Variants in GRIN2C observed in about 807,000 individuals in gnomAD.
GRIN2C encodes the protein glutamate receptor ionotropic, NMDA 2C.
Under a neutral mutation model 77.7 loss-of-function variants are expected in GRIN2C, and 64 were observed. The ratio of observed to expected loss-of-function variants is 0.82; its 90% CI spans 0.67 to 1.01. GRIN2C has a LOEUF of 1.01. Ranked by LOEUF, GRIN2C falls within the 50% of genes least tolerant of loss-of-function variation. The pLI is 0.00. For missense variants in GRIN2C, 1,549 were observed against 1,486.0 expected (o/e 1.04, Z -0.70); for synonymous variants, 792 against 643.4 (o/e 1.23, Z -3.49).
Position 74,850,113 on chromosome 17 carries a change from T to A in GRIN2C, c.1491+93A>T, listed in dbSNP as rs936374641. 16 of 1,444,744 alleles carry A rather than the reference T, an allele frequency of 1.1e-5. No individual in the cohort carries two copies. The highest frequency in any genetic ancestry group is 1.7e-5 in the Admixed American group (1 of 57,964). The allele number at this position is 1,444,744 out of a possible 1,614,324, so 89.5% of individuals were successfully genotyped here. A position where few individuals can be genotyped will look rare whatever the true frequency, so the allele number is the denominator to read the frequency against. Reference sequence around the variant, plus strand: ...AGGAGTCATCATTGGTGACAGCCCATGCCCCCCTCTAGAGGGCATCTGAGA... The same window carrying A: ...AGGAGTCATCATTGGTGACAGCCCAAGCCCCCCTCTAGAGGGCATCTGAGA... On this transcript the variant is annotated intron_variant, in intron 6 of 12. Transcript: ENST00000293190. The surrounding 1 kb of genome is among the most constrained non-coding windows in gnomAD (Gnocchi z 5.3).
chr17:74,846,217 G>A lies in GRIN2C; in HGVS notation c.2199C>T (p.Leu733=). The change falls in exon 11 of 13, where the codon CTC becomes CTT. Residue 733 remains leucine (L), a synonymous_variant. Transcript: ENST00000293190. This position sits in a 1 kb window ranked among gnomAD's most constrained non-coding sequence, Gnocchi z 4.4. ...CCTCGTCCTTGCCTGCCATGTAGTT[G>A]AGGACAGCAGCATCATAGATGAAGG... ...LDAFIYDAAV[L]NYMAGKDEGC... is the part of the protein sequence containing the mutation. 1 of 1,614,184 alleles carries A rather than the reference G, an allele frequency of 6.2e-7. No homozygotes were observed. Among genetic ancestry groups the A allele is most frequent in the South Asian group, 1.1e-5 (1 of 91,090 alleles).
intron 1 of GRIN2C, among the ~76,000 whole-genome samples, chr17:74,856,816 T>C (rs1447167541): frequency 6.6e-6 from 1 of 152,074 alleles, no homozygotes; most frequent in Non-Finnish European, 1.5e-5. Flanking sequence ...CCTAATGTCT[T>C]ACAGACATAT....
At chr17:74,845,599 ACTC>A (rs1372174015) in intron 11 of GRIN2C, among the ~76,000 whole-genome samples, 1 of 151,924 alleles carries the variant, frequency 6.6e-6, no homozygotes, top group African/African-American at 2.4e-5. Flanking sequence ...CAAGAATGGA[ACTC>A]CTCCAAACAC....
At position 74,846,755 on chromosome 17, in the gene GRIN2C, C is replaced by T. The variant is rs750489783; in HGVS notation, c.2162+5G>A. The T allele has an allele frequency of 1.2e-6, 2 of 1,612,532 alleles. No individual in the cohort carries two copies. Among genetic ancestry groups the T allele is most frequent in the African/African-American group, 1.3e-5 (1 of 74,920 alleles). ...AAGACAGCGGGTGCAGGGCTGGGGA[C>T]CCACCCCATCTTGAGGCTGGTGAGC... On this transcript the variant is annotated splice_donor_5th_base_variant and intron_variant, in intron 10 of 12. Transcript: ENST00000293190. This position sits in a 1 kb window ranked among gnomAD's most constrained non-coding sequence, Gnocchi z 4.4.
Position 74,842,737 on chromosome 17 carries a change from C to T in GRIN2C, c.3400G>A (p.Glu1134Lys), listed in dbSNP as rs1469842078. The T allele has an allele frequency of 1.4e-6, 1 of 703,306 alleles. No individual in the cohort carries two copies. The highest frequency in any genetic ancestry group is 1.8e-5 in the African/African-American group (1 of 57,090). The allele number at this position is 703,306 out of a possible 1,614,324, so 43.6% of individuals were successfully genotyped here. ...CLPIYREACQ[E>K]GEQAGAPAWQ... ...GCGGGGGCCCCTGCCTGCTCGCCCT[C>T]CTGGCAGGCCTCCCGGTAGATCGGC... The change falls in exon 13 of 13, where the codon GAG becomes AAG. Residue 1134 changes from glutamate to lysine, a missense_variant. Physicochemically the swap from Glu to Lys is moderately conservative, Grantham distance 56. Transcript: ENST00000293190.
intron 3 of GRIN2C, 49 bp from the exon 4 acceptor site, chr17:74,851,740 C>CCTGCCT (rs2037652857): frequency 2.6e-6 from 3 of 1,146,782 alleles, no homozygotes; most frequent in Non-Finnish European, 3.8e-6. Context: ...CCAGGCACCC[C>CCTGCCT]CTGCCTCTGC....
Position 74,851,668 on chromosome 17 carries a change from TC to T in GRIN2C, c.1021del (p.Glu341ArgfsTer20). ...AGGGCTGAAGGAGAAGTCTCGGCCC[TC>T]CCAGGTGACATTCAGTAGGTGCCTG... ...FYRHLLNVTW[E>X]GRDFSFSPGG... On this transcript the variant is annotated frameshift_variant, in exon 4 of 13. Transcript: ENST00000293190. LOFTEE classifies it high-confidence loss of function. The T allele has an allele frequency of 6.4e-7, 1 of 1,569,646 alleles. No individual in the cohort carries two copies. Among genetic ancestry groups the T allele is most frequent in the Non-Finnish European group, 8.6e-7 (1 of 1,156,826 alleles).
At chr17:74,857,426 G>A (rs935326545) in intron 1 of GRIN2C, among the ~76,000 whole-genome samples, 7 of 152,156 alleles carry the variant, frequency 4.6e-5, no homozygotes, top group Admixed American at 1.3e-4. Context: ...CCATGTGTAC[G>A]GTTCCCTAGT....
chr17:74,847,061 C>A lies in GRIN2C; in HGVS notation c.2002-141G>T. 2.3e-6 allele frequency: 2 copies of A among 884,022 alleles called. No individual in the cohort carries two copies. Among genetic ancestry groups the A allele is most frequent in the Non-Finnish European group, 3.4e-6 (2 of 590,682 alleles). 54.8% of individuals were successfully genotyped at this position (884,022 alleles called of 1,614,324 possible). A position where few individuals can be genotyped will look rare whatever the true frequency, so the allele number is the denominator to read the frequency against. The stretch of plus-strand genomic sequence containing the variant: ...GGTCTTAAAGGCTGTCCAGGCCACT[C>A]CTGTGTTTTCCAAATGGAGACTCTG... On this transcript the variant is annotated intron_variant, in intron 9 of 12. Coordinates refer to ENST00000293190, the MANE Select transcript of GRIN2C (RefSeq NM_000835.6). The surrounding 1 kb of genome is among the most constrained non-coding windows in gnomAD (Gnocchi z 5.2).
chr17:74,845,408 G>T (rs138219189), intron 11 of GRIN2C, among the ~76,000 whole-genome samples: 4,192 of 151,890 alleles, frequency 0.028, 187 homozygotes, highest in African/African-American at 0.095. Context: ...GGGATTATAG[G>T]TGTGTGCCAC....
intron 4 of GRIN2C, 65 bp downstream of exon 4, chr17:74,851,502 TCAGCTGTGGG>T (rs2037640948): frequency 1.2e-6 from 1 of 806,424 alleles, no homozygotes; most frequent in Non-Finnish European, 2.1e-6. Context: ...GACTCTCTGC[TCAGCTGTGGG>T]CACAAGAGGA....
chr17:74,851,756 C>A, intron 3 of GRIN2C, 65 bp from the exon 4 acceptor site: 1 of 974,402 alleles, frequency 1.0e-6, no homozygotes, highest in Middle Eastern at 2.9e-4. Flanking sequence ...TCTGCCTCAC[C>A]GCCGCCACCG....
rs1451441501 is a variant in GRIN2C at position 74,842,831 on chromosome 17, G to A, written c.3306C>T (p.Gly1102=). 2 of 595,334 alleles carry A rather than the reference G, an allele frequency of 3.4e-6. No individual in the cohort carries two copies. Among genetic ancestry groups the A allele is most frequent in the Non-Finnish European group, 2.9e-6 (1 of 341,502 alleles). 36.9% of individuals were successfully genotyped at this position (595,334 alleles called of 1,614,324 possible). A position where few individuals can be genotyped will look rare whatever the true frequency, so the allele number is the denominator to read the frequency against. Residue 1102 remains glycine (G), a synonymous_variant, in exon 13 of 13, where the codon GGC becomes GGT. Coordinates refer to ENST00000293190, the MANE Select transcript of GRIN2C (RefSeq NM_000835.6). The stretch of plus-strand genomic sequence containing the variant: ...GGCCGTCGGGGCGGGCGCAGGCGGG[G>A]CCGGTGCACCCAGCGGGCAGCGAGC... ...RPSSLPAGCT[G]PACARPDGHS... is the part of the protein sequence containing the mutation.
Position 74,847,646 on chromosome 17 carries a change from G to GA in GRIN2C, c.1772-110_1772-109insT. 1.1e-6 allele frequency: 1 copy of GA among 935,730 alleles called. No homozygotes were observed. Among genetic ancestry groups the GA allele is most frequent in the Non-Finnish European group, 1.6e-6 (1 of 609,476 alleles). The allele number at this position is 935,730 out of a possible 1,614,324, so 58.0% of individuals were successfully genotyped here. On this transcript the variant is annotated intron_variant, in intron 8 of 12. Coordinates refer to ENST00000293190, the MANE Select transcript of GRIN2C (RefSeq NM_000835.6). The surrounding 1 kb of genome is among the most constrained non-coding windows in gnomAD (Gnocchi z 5.2). ...CTCCGGTCTCAGCCTGGCCTTGGGG[G>GA]GGACGCGTCCTGGCCATTCCCTCGC... is the stretch of plus-strand genomic sequence containing the variant.
chr17:74,850,640 A>G lies in GRIN2C; in HGVS notation c.1241T>C (p.Val414Ala), dbSNP rs1393974809. Residue 414 changes from valine (V) to alanine (A), a missense_variant, in exon 5 of 13, where the codon GTC (valine) becomes GCC (alanine). Coordinates refer to ENST00000293190, the MANE Select transcript of GRIN2C (RefSeq NM_000835.6). This position sits in a 1 kb window ranked among gnomAD's most constrained non-coding sequence, Gnocchi z 5.3. ...TVATLEERPF[V>A]IVESPDPGTG... ...GCCAGGGTCAGGGCTCTCCACGATGACAAAGGGCCGCTCTTCCAGCGTGGC... is the reference window on the plus strand; with the variant it reads ...GCCAGGGTCAGGGCTCTCCACGATGGCAAAGGGCCGCTCTTCCAGCGTGGC... 1 of 1,613,474 alleles carries G rather than the reference A, an allele frequency of 6.2e-7. No homozygotes were observed. The highest frequency in any genetic ancestry group is 8.5e-7 in the Non-Finnish European group (1 of 1,179,998).
chr17:74,847,708 G>A lies in GRIN2C; in HGVS notation c.1771+144C>T. ...AGCTCACGTGTGTGTTTCTGTGTGT[G>A]TGTGTCATCTGACTGGCCCCCAGCA... On this transcript the variant is annotated intron_variant, in intron 8 of 12. Coordinates refer to ENST00000293190, the MANE Select transcript of GRIN2C (RefSeq NM_000835.6). The surrounding 1 kb of genome is among the most constrained non-coding windows in gnomAD (Gnocchi z 5.2). The A allele has an allele frequency of 1.2e-6, 1 of 859,214 alleles. No homozygotes were observed. Among genetic ancestry groups the A allele is most frequent in the Admixed American group, 2.1e-5 (1 of 46,536 alleles). 53.2% of individuals were successfully genotyped at this position (859,214 alleles called of 1,614,324 possible).
At position 74,849,156 on chromosome 17, in the gene GRIN2C, G is replaced by C. The variant is rs1028266874; in HGVS notation, c.1645+624C>G. Among the ~76,000 whole-genome samples, 1 of 151,634 alleles carries C rather than the reference G, an allele frequency of 6.6e-6. No homozygotes were observed. Among genetic ancestry groups the C allele is most frequent in the African/African-American group, 2.4e-5 (1 of 41,270 alleles). ...CCTCTCTTCCGTGGCTGAGGAGCCT[G>C]CTCAGAGAGGTTCTGTGACTTGCCC... On this transcript the variant is annotated intron_variant, in intron 7 of 12. Coordinates refer to ENST00000293190, the MANE Select transcript of GRIN2C (RefSeq NM_000835.6). This position sits in a 1 kb window ranked among gnomAD's most constrained non-coding sequence, Gnocchi z 4.6.
chr17:74,854,411 A>C, intron 2 of GRIN2C: 1 of 366,048 alleles, frequency 2.7e-6, no homozygotes, highest in Non-Finnish European at 5.0e-6. Flanking sequence ...AAGCTGAGGG[A>C]AGCAGAGAGG....
rs2037679086 is a variant in GRIN2C, at chr17:74,852,360, G to A, written c.651C>T (p.Arg217=). 2.1e-6 allele frequency: 3 copies of A among 1,450,592 alleles called. No homozygotes were observed. The highest frequency in any genetic ancestry group is 1.5e-5 in the African/African-American group (1 of 66,936). 89.9% of individuals were successfully genotyped at this position (1,450,592 alleles called of 1,614,324 possible). ...CCACAAACACGGGCGCGTCGAGCTG[G>A]CGCAGCAGGCGCTGCGTGCGCGCGC... ...GPRARTQRLL[R]QLDAPVFVAY... is the part of the protein sequence containing the mutation. The change falls in exon 3 of 13, where the codon CGC becomes CGT. Residue 217 remains arginine, a synonymous_variant. Transcript: ENST00000293190.
Sources: allele counts gnomAD v4.1 joint callset (sites outside exome capture counted in the v4.1 genomes callset), GRCh38; gene constraint gnomAD v4.1.1; non-coding constraint Gnocchi (gnomAD v3.1); transcripts MANE v1.5; gene names NCBI Gene and HGNC (gene_info 2026-07-23, HGNC 2026-07-21).